ELF2: variants seen among roughly 807,000 people sequenced by gnomAD.
The protein encoded by ELF2 is ETS-related transcription factor Elf-2.
Under a neutral mutation model 54.8 loss-of-function variants are expected in ELF2, and 11 were observed. That is an observed-to-expected ratio of 0.20 (90% confidence interval 0.13 to 0.33). ELF2 has a LOEUF of 0.33. ELF2 is among the 10% of genes least tolerant of loss of function. The pLI is 1.00. For synonymous variants in ELF2, 203 were observed against 245.1 expected, an observed-to-expected ratio of 0.83 and a Z score of 1.61; for missense variants, 513 against 703.0, an observed-to-expected ratio of 0.73 and a Z score of 3.06.
At chr4:139,104,147 C>T (rs1734180631) in intron 4 of ELF2, among the ~76,000 whole-genome samples, 1 of 152,058 alleles carries the variant, frequency 6.6e-6, no homozygotes, top group East Asian at 1.9e-4. Context: ...CAACAAAAAA[C>T]TGTTATTCTA....
At chr4:139,149,137 A>ATTGGATT (rs1739580143) in intron 1 of ELF2, among the ~76,000 whole-genome samples, 2 of 152,222 alleles carry the variant, frequency 1.3e-5, no homozygotes, top group African/African-American at 4.8e-5. Flanking sequence ...AAGCAAATAA[A>ATTGGATT]CGGCATAGGA....
intron 1 of ELF2, among the ~76,000 whole-genome samples, chr4:139,174,645 G>C (rs915388641): frequency 6.6e-6 from 1 of 151,980 alleles, no homozygotes; most frequent in Non-Finnish European, 1.5e-5. Context: ...ACTTTTTTCT[G>C]GTCATTATTC....
At chr4:139,091,528 A>C (rs1209921449) in intron 4 of ELF2, among the ~76,000 whole-genome samples, 3 of 152,206 alleles carry the variant, frequency 2.0e-5, no homozygotes, top group African/African-American at 7.2e-5. Context: ...TCTGTTGCCC[A>C]GGCTGAGTGC....
At chr4:139,159,973 C>T (rs1378774731) in intron 1 of ELF2, among the ~76,000 whole-genome samples, 1 of 152,158 alleles carries the variant, frequency 6.6e-6, no homozygotes, top group Non-Finnish European at 1.5e-5. Context: ...AAGGCAATGA[C>T]TTTGGCTTAC....
At chr4:139,104,160 G>A (rs960092075) in intron 4 of ELF2, among the ~76,000 whole-genome samples, 3 of 152,024 alleles carry the variant, frequency 2.0e-5, no homozygotes, top group Non-Finnish European at 4.4e-5. Context: ...TTATTCTAAT[G>A]AAAATAAAGG....
At chr4:139,074,832 C>G (rs895225550) in intron 4 of ELF2, among the ~76,000 whole-genome samples, 1 of 151,472 alleles carries the variant, frequency 6.6e-6, no homozygotes, top group African/African-American at 2.4e-5. Context: ...ATTAAAAATA[C>G]AGTGTAAATA....
At chr4:139,154,363 A>G (rs775330011) in intron 1 of ELF2, among the ~76,000 whole-genome samples, 7 of 152,138 alleles carry the variant, frequency 4.6e-5, no homozygotes, top group Non-Finnish European at 8.8e-5. Flanking sequence ...CATTCTTTAC[A>G]TAAACTACCT....
intron 4 of ELF2, among the ~76,000 whole-genome samples, chr4:139,076,495 C>T (rs990181266): frequency 3.3e-5 from 5 of 151,548 alleles, no homozygotes; most frequent in Non-Finnish European, 2.9e-5. Context: ...AGCAAGCATT[C>T]TCTTTAAAGT....
intron 1 of ELF2, chr4:139,155,389 T>C (rs749577075): frequency 6.6e-6 from 1 of 152,204 alleles, no homozygotes; most frequent in East Asian, 1.9e-4. Context: ...AGTGGAATCA[T>C]GCCTCAGAAC....
chr4:139,161,673 A>AC (rs1741161444), intron 1 of ELF2, among the ~76,000 whole-genome samples: 3 of 149,904 alleles, frequency 2.0e-5, no homozygotes, highest in African/African-American at 4.9e-5. Flanking sequence ...AAAAAAAAAA[A>AC]AAAAAACTCT....
chr4:139,147,192 A>C (rs1444705630), intron 1 of ELF2, among the ~76,000 whole-genome samples: 1 of 152,084 alleles, frequency 6.6e-6, no homozygotes, highest in Non-Finnish European at 1.5e-5. Flanking sequence ...AATCAGCAAG[A>C]AAAAAAATAA....
intron 4 of ELF2, among the ~76,000 whole-genome samples, chr4:139,095,207 CAG>C (rs1213570431): frequency 1.4e-5 from 2 of 141,106 alleles, no homozygotes; most frequent in South Asian, 2.2e-4. Flanking sequence ...TTTTTTGAGA[CAG>C]AGTCTCATTC....
chr4:139,132,387 C>T (rs1737579479), intron 3 of ELF2, among the ~76,000 whole-genome samples: 1 of 152,076 alleles, frequency 6.6e-6, no homozygotes, highest in Non-Finnish European at 1.5e-5. Context: ...TAGAACATTT[C>T]CATCACCCCA....
intron 4 of ELF2, among the ~76,000 whole-genome samples, chr4:139,074,294 T>G (rs537725918): frequency 1.3e-5 from 2 of 152,162 alleles, no homozygotes; most frequent in Non-Finnish European, 2.9e-5. Context: ...AAAAACCCTG[T>G]GAGGGCAATT....
chr4:139,084,424 G>A (rs185354376), intron 4 of ELF2: 35,279 of 1,279,860 alleles, frequency 0.028, 580 homozygotes, highest in Non-Finnish European at 0.03. Flanking sequence ...CAGGGGCAGG[G>A]GCGGCAGGGG....
At chr4:139,084,027 G>T in intron 4 of ELF2, 1 of 1,572,314 alleles carries the variant, frequency 6.4e-7, no homozygotes, top group South Asian at 1.1e-5. Flanking sequence ...CTGTGAGGTG[G>T]ACACTGTACC....
In ELF2 at chr4:139,059,404, A is replaced by G; in HGVS notation, c.1361T>C (p.Met454Thr). ...GATGGTAATAATTTTGGCAGGCTGCATGGTGATTTTGTCTCCATTTTCAGT... is the reference window on the plus strand; with the variant it reads ...GATGGTAATAATTTTGGCAGGCTGCGTGGTGATTTTGTCTCCATTTTCAGT... ...ASTENGDKIT[M>T]QPAKIITIPA... The change falls in exon 10 of 10, where the codon ATG (methionine) becomes ACG (threonine). Residue 454 changes from methionine to threonine, a missense_variant. This residue lies in a region of ELF2 where 291 missense variants were observed against 366.1 expected (regional missense o/e 0.79). Transcript: ENST00000686138. 6.2e-7 allele frequency: 1 copy of G among 1,613,988 alleles called. No individual in the cohort carries two copies. The highest frequency in any genetic ancestry group is 1.3e-5 in the African/African-American group (1 of 75,050).
At chr4:139,099,152 C>T (rs1233506850) in intron 4 of ELF2, among the ~76,000 whole-genome samples, 8 of 152,202 alleles carry the variant, frequency 5.3e-5, no homozygotes, top group Non-Finnish European at 1.0e-4. Context: ...AGGGCCATCA[C>T]AATCTGGTCC....
At chr4:139,071,372 G>A (rs953104724) in intron 6 of ELF2, among the ~76,000 whole-genome samples, 2 of 151,802 alleles carry the variant, frequency 1.3e-5, no homozygotes, top group Admixed American at 6.6e-5. Context: ...ATGTTGCCCA[G>A]GTTGGCCTCA....
Sources: allele counts gnomAD v4.1 joint callset (sites outside exome capture counted in the v4.1 genomes callset), GRCh38; gene constraint gnomAD v4.1.1; regional missense constraint gnomAD v4.1.1; transcripts MANE v1.5; gene names NCBI Gene and HGNC (gene_info 2026-07-23, HGNC 2026-07-21).